FAF1: variants seen among roughly 807,000 people sequenced by gnomAD.
FAF1 encodes Fas associated factor 1.
Under a neutral mutation model 92.5 loss-of-function variants are expected in FAF1, and 25 were observed. The observed-to-expected ratio is 0.27, with a 90% confidence interval of 0.20 to 0.38. The LOEUF (loss-of-function observed/expected upper bound fraction) is 0.38. Ranked by LOEUF, FAF1 falls within the 10% of genes least tolerant of loss-of-function variation. FAF1 has a pLI of 1.00. For missense variants in FAF1, 636 were observed against 793.3 expected (o/e 0.80, Z 2.38); for synonymous variants, 234 against 273.2 (o/e 0.86, Z 1.42).
intron 1 of FAF1, among the ~76,000 whole-genome samples, chr1:50,888,674 T>C (rs1644691173): frequency 6.6e-6 from 1 of 152,302 alleles, no homozygotes; most frequent in Admixed American, 6.5e-5. Context: ...GTTTACTGAT[T>C]TGCGTATGTC....
intron 2 of FAF1, among the ~76,000 whole-genome samples, chr1:50,847,396 A>G (rs560192234): frequency 6.6e-6 from 1 of 152,050 alleles, no homozygotes; most frequent in African/African-American, 2.4e-5. Flanking sequence ...TTACAGCAAA[A>G]AAAGATAAAC....
intron 8 of FAF1, among the ~76,000 whole-genome samples, chr1:50,602,220 TAAG>T (rs903623367): frequency 3.3e-5 from 5 of 152,238 alleles, no homozygotes; most frequent in African/African-American, 7.2e-5. Context: ...TCTTGTGTTT[TAAG>T]AAGAACAATT....
Position 50,820,244 on chromosome 1 carries a change from AGTATTC to A in FAF1, c.115-18573_115-18568del, listed in dbSNP as rs1194378640. Among the ~76,000 whole-genome samples, 3 of 152,186 alleles carry A rather than the reference AGTATTC, an allele frequency of 2.0e-5. No individual in the cohort carries two copies. In the East Asian group the frequency reaches 5.8e-4, roughly 29 times the overall value. On this transcript the variant is annotated intron_variant, in intron 2 of 18. Coordinates refer to ENST00000396153, the MANE Select transcript of FAF1 (RefSeq NM_007051.3). ...AACAATGTGAACATAGTTAATGTCA[AGTATTC>A]GTATTCTGATAGACCTGTTTTCAAA...
chr1:50,583,598 A>T lies in FAF1; in HGVS notation c.1031+54T>A. On this transcript the variant is annotated intron_variant, in intron 11 of 18. Coordinates refer to ENST00000396153, the MANE Select transcript of FAF1 (RefSeq NM_007051.3). The surrounding 1 kb of genome is among the most constrained non-coding windows in gnomAD (Gnocchi z 4.2). ...CTATAATTAAAATTGCCCAAGAAAA[A>T]TCACAGTAGCATAAAACAGCATCAA... The T allele has an allele frequency of 1.8e-6, 2 of 1,123,086 alleles. No homozygotes were observed. Among genetic ancestry groups the T allele is most frequent in the African/African-American group, 3.1e-5 (2 of 63,882 alleles). The allele number at this position is 1,123,086 out of a possible 1,614,324, so 69.6% of individuals were successfully genotyped here.
intron 8 of FAF1, among the ~76,000 whole-genome samples, chr1:50,600,579 T>C (rs971228679): frequency 2.6e-5 from 4 of 152,146 alleles, no homozygotes; most frequent in Non-Finnish European, 5.9e-5. Context: ...CTACCACTTC[T>C]CAAGTTCTAG....
At chr1:50,491,823 A>C in intron 15 of FAF1, 22 bp from the exon 16 acceptor site, 1 of 1,563,530 alleles carries the variant, frequency 6.4e-7, no homozygotes, top group Non-Finnish European at 8.7e-7. Context: ...AGATTCAAAT[A>C]TTTTTTGACA....
intron 18 of FAF1, among the ~76,000 whole-genome samples, chr1:50,444,666 C>T (rs1036175680): frequency 7.2e-5 from 11 of 152,188 alleles, no homozygotes; most frequent in South Asian, 4.1e-4. Context: ...TATCACTTAT[C>T]GAGTGCCTAC....
intron 1 of FAF1, among the ~76,000 whole-genome samples, chr1:50,874,408 C>T (rs903777493): frequency 6.6e-6 from 1 of 152,072 alleles, no homozygotes; most frequent in Non-Finnish European, 1.5e-5. Context: ...GTCACCTAGC[C>T]TAGAGTATAG....
At chr1:50,837,308 G>A (rs530981557) in intron 2 of FAF1, among the ~76,000 whole-genome samples, 36 of 152,148 alleles carry the variant, frequency 2.4e-4, no homozygotes, top group African/African-American at 7.0e-4. Context: ...TGGGGATCAC[G>A]CATTGTTGTA....
At chr1:50,759,129 ATCTC>A (rs761470597) in intron 4 of FAF1, among the ~76,000 whole-genome samples, 4 of 151,896 alleles carry the variant, frequency 2.6e-5, no homozygotes, top group South Asian at 2.1e-4. Context: ...TTATTCTTAA[ATCTC>A]TCTTTTATTT....
rs1657002102 is a variant in FAF1 at position 50,692,884 on chromosome 1, T to C, written c.657+12902A>G. Among the ~76,000 whole-genome samples the C allele has an allele frequency of 2.0e-5, 3 of 152,224 alleles. No homozygotes were observed. In the South Asian group the frequency reaches 6.2e-4, roughly 32 times the overall value. ...CATATCTTCTCCTGAGAAATGTCTA[T>C]TCAGATCTTTGCCAATTTTCAATTA... is the stretch of plus-strand genomic sequence containing the variant. On this transcript the variant is annotated intron_variant, in intron 7 of 18. Coordinates refer to ENST00000396153, the MANE Select transcript of FAF1 (RefSeq NM_007051.3).
chr1:50,954,914 T>A (rs1415995952), intron 1 of FAF1, among the ~76,000 whole-genome samples: 1 of 152,094 alleles, frequency 6.6e-6, no homozygotes, highest in Non-Finnish European at 1.5e-5. Context: ...GAAGCTGAGG[T>A]GAGAGGATCA....
At chr1:50,588,689 T>C (rs1008223615) in intron 9 of FAF1, among the ~76,000 whole-genome samples, 2 of 151,592 alleles carry the variant, frequency 1.3e-5, no homozygotes, top group Non-Finnish European at 2.9e-5. Context: ...ACCTGTGTGA[T>C]CCTTGACGGC....
chr1:50,781,425 A>C (rs1457060028), intron 4 of FAF1, among the ~76,000 whole-genome samples: 2 of 152,266 alleles, frequency 1.3e-5, no homozygotes, highest in Admixed American at 1.3e-4. Flanking sequence ...AAGACATTAT[A>C]TAATGATAAA....
chr1:50,504,073 T>C (rs576809094), intron 15 of FAF1, among the ~76,000 whole-genome samples: 2 of 152,332 alleles, frequency 1.3e-5, no homozygotes, highest in South Asian at 4.1e-4. Flanking sequence ...AGAAAATAAA[T>C]GATTAATACT....
chr1:50,887,778 T>C (rs1570102498), intron 1 of FAF1, among the ~76,000 whole-genome samples: 1 of 152,370 alleles, frequency 6.6e-6, no homozygotes, highest in East Asian at 1.9e-4. Context: ...TTGGTTACTG[T>C]AGCTTTGCAG....
intron 1 of FAF1, among the ~76,000 whole-genome samples, chr1:50,927,315 T>G (rs1645013957): frequency 6.6e-6 from 1 of 152,162 alleles, no homozygotes; most frequent in Non-Finnish European, 1.5e-5. Context: ...GCGTGGTGGC[T>G]CACACCTGTA....
intron 2 of FAF1, among the ~76,000 whole-genome samples, chr1:50,824,777 T>C (rs1465028025): frequency 6.6e-6 from 1 of 152,126 alleles, no homozygotes; most frequent in Non-Finnish European, 1.5e-5. Context: ...TAAAAGAGAA[T>C]GAAATCATGT....
At chr1:50,698,443 C>T (rs923521045) in intron 7 of FAF1, among the ~76,000 whole-genome samples, 1 of 152,134 alleles carries the variant, frequency 6.6e-6, no homozygotes, top group Admixed American at 6.5e-5. Flanking sequence ...TCAGCCCCAT[C>T]TAAGTAAGTG....
Sources: allele counts gnomAD v4.1 joint callset (sites outside exome capture counted in the v4.1 genomes callset), GRCh38; gene constraint gnomAD v4.1.1; non-coding constraint Gnocchi (gnomAD v3.1); transcripts MANE v1.5; gene names NCBI Gene and HGNC (gene_info 2026-07-23, HGNC 2026-07-21).